NAALADL2: variants seen among roughly 807,000 people sequenced by gnomAD.
NAALADL2 encodes the protein N-acetylated alpha-linked acidic dipeptidase like 2.
NAALADL2 carries 76 observed loss-of-function variants against 87.2 expected under a neutral mutation model. The ratio of observed to expected loss-of-function variants is 0.87; its 90% CI spans 0.72 to 1.05. NAALADL2 has a LOEUF of 1.05. Among genes scored for constraint, NAALADL2 ranks in the 50% least tolerant of loss-of-function variants. The probability of loss-of-function intolerance (pLI) is 0.00; values close to 1 mark genes in which losing one functional copy is unlikely to be tolerated. For synonymous variants in NAALADL2, 354 were observed against 331.0 expected, an observed-to-expected ratio of 1.07 and a Z score of -0.75; for missense variants, 1,089 against 945.8, an observed-to-expected ratio of 1.15 and a Z score of -1.99.
At position 175,096,921 on chromosome 3, in the gene NAALADL2, T is replaced by G; in HGVS notation, c.175T>G (p.Ser59Ala). ...EWDMEKELEE[S>A]GFDQFQLDGA... is the part of the protein sequence containing the mutation. Reference sequence around the variant, plus strand: ...GGACATGGAGAAGGAACTAGAGGAGTCTGGTTTTGACCAATTCCAGCTAGA... The same window carrying G: ...GGACATGGAGAAGGAACTAGAGGAGGCTGGTTTTGACCAATTCCAGCTAGA... The change falls in exon 2 of 14, where the codon TCT (serine) becomes GCT (alanine). Residue 59 changes from serine (S) to alanine (A), a missense_variant. By Grantham distance (99) the Ser-to-Ala change is moderately conservative. Transcript: ENST00000454872. The G allele has an allele frequency of 6.2e-7, 1 of 1,613,094 alleles. No homozygotes were observed. Among genetic ancestry groups the G allele is most frequent in the Non-Finnish European group, 8.5e-7 (1 of 1,179,590 alleles).
intron 10 of NAALADL2, among the ~76,000 whole-genome samples, chr3:175,595,768 T>A (rs1722169967): frequency 6.6e-6 from 1 of 151,990 alleles, no homozygotes; most frequent in South Asian, 2.1e-4. Context: ...AAACATTCCA[T>A]GCTCATGATT....
intron 2 of NAALADL2, among the ~76,000 whole-genome samples, chr3:175,157,124 T>TA (rs1421903805): frequency 1.3e-5 from 2 of 152,114 alleles, no homozygotes; most frequent in Admixed American, 6.6e-5. Context: ...AAAAAGTCAT[T>TA]AAAATAATTT....
intron 3 of NAALADL2, among the ~76,000 whole-genome samples, chr3:174,795,876 G>A (rs1247501735): frequency 6.6e-6 from 1 of 151,976 alleles, no homozygotes; most frequent in African/African-American, 2.4e-5. Flanking sequence ...ATAAAAATTG[G>A]GTTGTGTTTT....
At chr3:175,009,986 A>G (rs1038147685) in intron 1 of NAALADL2, among the ~76,000 whole-genome samples, 1 of 152,120 alleles carries the variant, frequency 6.6e-6, no homozygotes, top group Non-Finnish European at 1.5e-5. Flanking sequence ...TTTCTTGACT[A>G]TGAGCTTAAT....
At chr3:174,847,249 A>G (rs1201495090) in intron 3 of NAALADL2, among the ~76,000 whole-genome samples, 1 of 152,170 alleles carries the variant, frequency 6.6e-6, no homozygotes, top group African/African-American at 2.4e-5. Flanking sequence ...TATTTCTTGG[A>G]GAACTCACAA....
At chr3:174,580,743 A>G (rs1050635527) in intron 2 of NAALADL2, among the ~76,000 whole-genome samples, 5 of 152,000 alleles carry the variant, frequency 3.3e-5, no homozygotes, top group Admixed American at 6.6e-5. Context: ...TTGTTTATCT[A>G]TTTACCTGTT....
intron 1 of NAALADL2, chr3:175,059,568 C>A: frequency 6.6e-6 from 2 of 303,236 alleles, no homozygotes; most frequent in Non-Finnish European, 1.3e-5. Flanking sequence ...TCTAGTTTTG[C>A]CATATCTGCC....
chr3:174,811,494 T>G (rs1720203752), intron 3 of NAALADL2, among the ~76,000 whole-genome samples: 4 of 152,218 alleles, frequency 2.6e-5, no homozygotes, highest in Admixed American at 2.0e-4. Context: ...TGCACTTGCA[T>G]GGGGCATGCA....
chr3:174,853,122 G>A (rs1345319237), intron 3 of NAALADL2, among the ~76,000 whole-genome samples: 1 of 149,168 alleles, frequency 6.7e-6, no homozygotes, highest in Non-Finnish European at 1.5e-5. Context: ...TCCCAGCACT[G>A]TGGGAGGCCA....
At chr3:174,493,090 T>C (rs559412526) in intron 1 of NAALADL2, among the ~76,000 whole-genome samples, 6 of 152,304 alleles carry the variant, frequency 3.9e-5, no homozygotes, top group African/African-American at 1.4e-4. Flanking sequence ...CTGAAAACTT[T>C]CAAAAACATA....
In NAALADL2 at chr3:175,652,324, C is replaced by T. The variant is rs930019436; in HGVS notation, c.1896+24938C>T. On this transcript the variant is annotated intron_variant, in intron 11 of 13. Transcript: ENST00000454872. ...ATGTTTAAGACATATTTATTTTGCA[C>T]GAGTTTAAATTAAGGAGGGAGAATT... 8.2e-4 allele frequency among the ~76,000 whole-genome samples: 125 copies of T among 152,020 alleles called. 1 individual carries two copies. Among genetic ancestry groups the T allele is most frequent in the Middle Eastern group, 3.4e-3 (1 of 294 alleles).
chr3:175,608,898 T>C (rs1724170836), intron 10 of NAALADL2, among the ~76,000 whole-genome samples: 1 of 152,122 alleles, frequency 6.6e-6, no homozygotes, highest in Admixed American at 6.6e-5. Context: ...TTGTAAAATA[T>C]TTACCAAACA....
upstream of NAALADL2, among the ~76,000 whole-genome samples, chr3:174,856,251 C>G (rs1359451844): frequency 6.6e-6 from 1 of 152,094 alleles, no homozygotes; most frequent in Non-Finnish European, 1.5e-5. Context: ...AGCGATCCTT[C>G]TGCCTCAGCC....
chr3:174,767,190 T>G (rs1713917451), intron 3 of NAALADL2, among the ~76,000 whole-genome samples: 1 of 152,270 alleles, frequency 6.6e-6, no homozygotes, highest in South Asian at 2.1e-4. Context: ...TGGTTACAAC[T>G]AATATAATTA....
chr3:174,900,044 C>G (rs1279603910), intron 1 of NAALADL2, among the ~76,000 whole-genome samples: 1 of 151,350 alleles, frequency 6.6e-6, no homozygotes, highest in Non-Finnish European at 1.5e-5. Flanking sequence ...TTTGGCAAAA[C>G]AAAAATAAAA....
At chr3:175,744,785 C>T (rs1745698547) in intron 12 of NAALADL2, among the ~76,000 whole-genome samples, 5 of 152,108 alleles carry the variant, frequency 3.3e-5, no homozygotes, top group Admixed American at 3.3e-4. Flanking sequence ...ATACATATTG[C>T]AGTTTTAACT....
chr3:174,530,266 A>T (rs1388012662), intron 1 of NAALADL2, among the ~76,000 whole-genome samples: 1 of 152,166 alleles, frequency 6.6e-6, no homozygotes, highest in Non-Finnish European at 1.5e-5. Context: ...ACATACGAAG[A>T]GTCACCTTTG....
intron 4 of NAALADL2, among the ~76,000 whole-genome samples, chr3:175,265,049 C>T (rs985636115): frequency 1.3e-5 from 2 of 151,558 alleles, no homozygotes; most frequent in Non-Finnish European, 3.0e-5. Flanking sequence ...CGAAAGTCAG[C>T]TGACATTTAA....
chr3:175,443,291 T>C (rs1238287218), intron 5 of NAALADL2, among the ~76,000 whole-genome samples: 1 of 152,216 alleles, frequency 6.6e-6, no homozygotes, highest in Non-Finnish European at 1.5e-5. Flanking sequence ...TGTTCAATTA[T>C]GGTTTAGGGT....
Sources: allele counts gnomAD v4.1 joint callset (sites outside exome capture counted in the v4.1 genomes callset), GRCh38; gene constraint gnomAD v4.1.1; transcripts MANE v1.5; gene names NCBI Gene and HGNC (gene_info 2026-07-23, HGNC 2026-07-21).